The following IGF1R variants were observed in gnomAD, a reference collection of about 807,000 sequenced individuals.
The protein encoded by IGF1R is insulin-like growth factor 1 receptor.
In IGF1R, 44 loss-of-function variants were observed where a neutral mutation model predicts 144.6. That is an observed-to-expected ratio of 0.30 (90% CI 0.24 to 0.39). The LOEUF (loss-of-function observed/expected upper bound fraction) is 0.39. Among genes scored for constraint, IGF1R ranks in the 10% least tolerant of loss-of-function variants. IGF1R has a pLI of 1.00. For synonymous variants in IGF1R, 795 were observed against 722.8 expected (o/e 1.10, Z -1.60); for missense variants, 1,355 against 1,833.7 (o/e 0.74, Z 4.77).
intron 2 of IGF1R, among the ~76,000 whole-genome samples, chr15:98,777,719 G>A (rs1596296310): frequency 6.6e-6 from 1 of 152,222 alleles, no homozygotes; most frequent in Non-Finnish European, 1.5e-5. Flanking sequence ...TTGATGGGGA[G>A]AGCAGCATTT....
intron 1 of IGF1R, among the ~76,000 whole-genome samples, chr15:98,702,169 C>T: frequency 6.6e-6 from 1 of 151,498 alleles, no homozygotes; most frequent in East Asian, 1.9e-4. Flanking sequence ...TTCTTTAGCC[C>T]TTCTCATATT....
chr15:98,838,694 C>T (rs1006363126), intron 2 of IGF1R, among the ~76,000 whole-genome samples: 6 of 152,146 alleles, frequency 3.9e-5, no homozygotes, highest in African/African-American at 1.4e-4. Flanking sequence ...GATCCCAGTT[C>T]CCAGAGCATC....
chr15:98,741,388 G>T (rs2054740757), intron 2 of IGF1R, among the ~76,000 whole-genome samples: 1 of 151,362 alleles, frequency 6.6e-6, no homozygotes, highest in South Asian at 2.1e-4. Flanking sequence ...TTCCTTTTTT[G>T]GAAATAGTTT....
chr15:98,670,765 A>G (rs757414721), intron 1 of IGF1R, among the ~76,000 whole-genome samples: 1 of 152,238 alleles, frequency 6.6e-6, no homozygotes, highest in Non-Finnish European at 1.5e-5. Context: ...AAAGCCTCCC[A>G]AATTACAACT....
intron 2 of IGF1R, among the ~76,000 whole-genome samples, chr15:98,716,308 GTCTCTCTCTCTGTC>G (rs758520833): frequency 6.6e-6 from 1 of 151,882 alleles, no homozygotes; most frequent in Non-Finnish European, 1.5e-5. Context: ...GTGTTGCTTG[GTCTCTCTCTCTGTC>G]TCTCTCTCTC....
intron 2 of IGF1R, among the ~76,000 whole-genome samples, chr15:98,848,169 T>G (rs1156929497): frequency 6.6e-6 from 1 of 152,306 alleles, no homozygotes; most frequent in Non-Finnish European, 1.5e-5. Context: ...GTATTTCAAG[T>G]TGGAACCTCT....
Position 98,959,043 on chromosome 15 carries a change from T to C in IGF1R, c.*1601T>C, listed in dbSNP as rs944703588. 1.3e-5 allele frequency: 3 copies of C among 233,152 alleles called. No homozygotes were observed. Among genetic ancestry groups the C allele is most frequent in the East Asian group, 6.0e-5 (1 of 16,598 alleles). The allele number at this position is 233,152 out of a possible 1,614,324, so 14.4% of individuals were successfully genotyped here. A position where few individuals can be genotyped will look rare whatever the true frequency, so the allele number is the denominator to read the frequency against. ...CTCTCCCCAGCCTGCCCTCACAGCA[T>C]TGGAGCCTGTTACAGTGCAAGACAT... On this transcript the variant is annotated 3_prime_UTR_variant, in exon 21 of 21. Transcript: ENST00000650285.
intron 2 of IGF1R, among the ~76,000 whole-genome samples, chr15:98,835,748 C>T (rs1004593523): frequency 7.2e-5 from 11 of 152,208 alleles, no homozygotes; most frequent in Admixed American, 5.2e-4. Flanking sequence ...CCAAAATCAC[C>T]TCTGGAACTA....
intron 11 of IGF1R, among the ~76,000 whole-genome samples, chr15:98,922,983 T>C (rs1172699677): frequency 6.6e-6 from 1 of 152,178 alleles, no homozygotes; most frequent in African/African-American, 2.4e-5. Flanking sequence ...CCCTGTCCTT[T>C]AGTAGGCCTC....
chr15:98,796,057 C>G (rs2056234210), intron 2 of IGF1R, among the ~76,000 whole-genome samples: 2 of 152,326 alleles, frequency 1.3e-5, no homozygotes, highest in South Asian at 4.2e-4. Context: ...CCCAGGCAGG[C>G]AGCTCAGCTC....
At chr15:98,660,769 A>T (rs1190010743) in intron 1 of IGF1R, 3 of 152,176 alleles carry the variant, frequency 2.0e-5, no homozygotes, top group Non-Finnish European at 2.9e-5. Flanking sequence ...AGATCACCTC[A>T]TCCCTGTGGA....
At chr15:98,878,704 A>AC (rs1567174407) in intron 2 of IGF1R, among the ~76,000 whole-genome samples, 2 of 150,114 alleles carry the variant, frequency 1.3e-5, no homozygotes, top group East Asian at 1.9e-4. Context: ...AACAACAACA[A>AC]AAAAAAGGCC....
chr15:98,819,384 G>A (rs1283590755), intron 2 of IGF1R, among the ~76,000 whole-genome samples: 1 of 152,150 alleles, frequency 6.6e-6, no homozygotes, highest in Non-Finnish European at 1.5e-5. Flanking sequence ...ATTAGGAGCT[G>A]GGGCCTTTAG....
intron 2 of IGF1R, among the ~76,000 whole-genome samples, chr15:98,748,952 C>T (rs954497820): frequency 6.6e-6 from 1 of 152,106 alleles, no homozygotes; most frequent in Non-Finnish European, 1.5e-5. Flanking sequence ...ACATATTGCA[C>T]GTGGAATATC....
intron 2 of IGF1R, among the ~76,000 whole-genome samples, chr15:98,769,934 G>C (rs1051298146): frequency 1.1e-4 from 17 of 152,228 alleles, no homozygotes; most frequent in African/African-American, 4.1e-4. Context: ...TCCGTCTGCT[G>C]GATTATTCCG....
At chr15:98,805,102 T>C (rs889785309) in intron 2 of IGF1R, among the ~76,000 whole-genome samples, 2 of 152,230 alleles carry the variant, frequency 1.3e-5, no homozygotes, top group Admixed American at 1.3e-4. Flanking sequence ...GCATTCTCTT[T>C]TGGGAGTGGT....
chr15:98,889,369 G>T (rs1272736668), intron 2 of IGF1R, among the ~76,000 whole-genome samples: 1 of 152,114 alleles, frequency 6.6e-6, no homozygotes, highest in Non-Finnish European at 1.5e-5. Context: ...GCAACTAGTG[G>T]GTGTGTAAAC....
intron 1 of IGF1R, among the ~76,000 whole-genome samples, chr15:98,676,202 G>A (rs1450356910): frequency 5.9e-5 from 9 of 151,858 alleles, no homozygotes; most frequent in Admixed American, 5.3e-4. Context: ...GTGCAGTGGC[G>A]CCATCTCGGC....
chr15:98,671,229 C>G (rs900308744), intron 1 of IGF1R, among the ~76,000 whole-genome samples: 5 of 152,086 alleles, frequency 3.3e-5, no homozygotes, highest in African/African-American at 1.2e-4. Flanking sequence ...TTAGACTTAG[C>G]AAAAATCAGG....
Sources: allele counts gnomAD v4.1 joint callset (sites outside exome capture counted in the v4.1 genomes callset), GRCh38; gene constraint gnomAD v4.1.1; transcripts MANE v1.5; gene names NCBI Gene and HGNC (gene_info 2026-07-23, HGNC 2026-07-21).